The following NEDD4L variants were observed in gnomAD, a reference collection of about 807,000 sequenced individuals.
The protein encoded by NEDD4L is E3 ubiquitin-protein ligase NEDD4-like.
A neutral mutation model predicts 148.9 loss-of-function variants in NEDD4L; 54 were observed. The observed-to-expected ratio is 0.36, with a 90% CI of 0.29 to 0.45. NEDD4L has a LOEUF of 0.45. NEDD4L is among the 20% of genes least tolerant of loss of function. NEDD4L has a pLI of 1.00. For missense variants in NEDD4L, 856 were observed against 1,233.8 expected, an observed-to-expected ratio of 0.69 and a Z score of 4.59; for synonymous variants, 433 against 440.7, an observed-to-expected ratio of 0.98 and a Z score of 0.22.
chr18:58,255,617 G>T, intron 5 of NEDD4L: 1 of 1,232,402 alleles, frequency 8.1e-7, no homozygotes, highest in Non-Finnish European at 1.0e-6. Context: ...GCTTGCCCTA[G>T]CCCTCCTGGC....
At chr18:58,110,635 C>G (rs1239600966) in intron 1 of NEDD4L, among the ~76,000 whole-genome samples, 1 of 152,204 alleles carries the variant, frequency 6.6e-6, no homozygotes, top group Non-Finnish European at 1.5e-5. Flanking sequence ...CACGATGGAC[C>G]TGCCCTGAGA....
intron 5 of NEDD4L, among the ~76,000 whole-genome samples, chr18:58,296,244 C>T (rs1196003065): frequency 6.6e-6 from 1 of 152,206 alleles, no homozygotes; most frequent in African/African-American, 2.4e-5. Flanking sequence ...TTCAGCCTTG[C>T]AAGAGCTTCC....
At chr18:58,047,513 A>T in intron 1 of NEDD4L, 1 of 985,342 alleles carries the variant, frequency 1.0e-6, no homozygotes, top group Non-Finnish European at 1.2e-6. Context: ...TGTAGAAGGT[A>T]AGGGGTTGAG....
chr18:58,070,356 C>T (rs1352155857), intron 1 of NEDD4L, among the ~76,000 whole-genome samples: 1 of 152,084 alleles, frequency 6.6e-6, no homozygotes, highest in Non-Finnish European at 1.5e-5. Context: ...CCTCAACCTC[C>T]TGAATTTAAG....
At chr18:58,289,619 A>C (rs2054424666) in intron 5 of NEDD4L, among the ~76,000 whole-genome samples, 1 of 152,206 alleles carries the variant, frequency 6.6e-6, no homozygotes, top group Non-Finnish European at 1.5e-5. Flanking sequence ...CACCAGCCAC[A>C]GTAGCTGCAG....
chr18:58,339,160 AG>A (rs1264828996), intron 13 of NEDD4L, among the ~76,000 whole-genome samples: 1 of 149,526 alleles, frequency 6.7e-6, no homozygotes, highest in African/African-American at 2.5e-5. Flanking sequence ...GGCCTGGGAG[AG>A]GGGGAAGTGG....
chr18:58,087,323 C>T (rs750024112), intron 1 of NEDD4L, among the ~76,000 whole-genome samples: 14 of 152,160 alleles, frequency 9.2e-5, no homozygotes, highest in Non-Finnish European at 1.6e-4. Flanking sequence ...ACATTTTCCT[C>T]TCTACACCAT....
chr18:58,340,021 C>A (rs1012933664), intron 13 of NEDD4L, among the ~76,000 whole-genome samples: 1 of 152,196 alleles, frequency 6.6e-6, no homozygotes, highest in African/African-American at 2.4e-5. Flanking sequence ...AAGGCATGGG[C>A]TCCTCCTATA....
chr18:58,176,316 C>A (rs576714742), intron 2 of NEDD4L, among the ~76,000 whole-genome samples: 4 of 151,920 alleles, frequency 2.6e-5, no homozygotes, highest in African/African-American at 4.8e-5. Flanking sequence ...TGCTTCATTT[C>A]CCCCCTCATC....
At chr18:58,073,250 T>G (rs1175616311) in intron 1 of NEDD4L, among the ~76,000 whole-genome samples, 3 of 152,078 alleles carry the variant, frequency 2.0e-5, no homozygotes, top group Non-Finnish European at 1.5e-5. Context: ...CAAGTTTATT[T>G]TAAAAATCAC....
chr18:58,060,907 T>C (rs1977945), intron 1 of NEDD4L, among the ~76,000 whole-genome samples: 122,414 of 151,560 alleles, frequency 0.81, 49,992 homozygotes, highest in East Asian at 1. Context: ...TACAGGTGCC[T>C]GCCACCACAC....
chr18:58,273,963 A>G (rs57079347), intron 5 of NEDD4L, among the ~76,000 whole-genome samples: 5,800 of 152,334 alleles, frequency 0.038, 345 homozygotes, highest in African/African-American at 0.13. Context: ...CCTCCCCTGG[A>G]GTCCAGGCTG....
At chr18:58,214,986 A>AT (rs1355708142) in intron 2 of NEDD4L, among the ~76,000 whole-genome samples, 1 of 151,436 alleles carries the variant, frequency 6.6e-6, no homozygotes, top group African/African-American at 2.4e-5. Context: ...TAATTTTTGT[A>AT]TTTTTAGTAG....
At chr18:58,216,828 A>G (rs893825256) in intron 2 of NEDD4L, among the ~76,000 whole-genome samples, 1 of 152,214 alleles carries the variant, frequency 6.6e-6, no homozygotes, top group Non-Finnish European at 1.5e-5. Context: ...AGCCTAAGGA[A>G]CTGGCAGATT....
At chr18:58,301,240 G>A (rs527709499) in intron 5 of NEDD4L, among the ~76,000 whole-genome samples, 2 of 152,242 alleles carry the variant, frequency 1.3e-5, no homozygotes, top group South Asian at 2.1e-4. Flanking sequence ...CTGAACTCCT[G>A]GGCCATTGCT....
At chr18:58,215,969 T>C (rs913288983) in intron 2 of NEDD4L, among the ~76,000 whole-genome samples, 5 of 152,084 alleles carry the variant, frequency 3.3e-5, no homozygotes, top group African/African-American at 7.2e-5. Flanking sequence ...AATATCTTTG[T>C]GCAAAACAAG....
At chr18:58,064,437 A>C (rs951841684) in intron 1 of NEDD4L, among the ~76,000 whole-genome samples, 1 of 152,182 alleles carries the variant, frequency 6.6e-6, no homozygotes, top group African/African-American at 2.4e-5. Flanking sequence ...AGGTGATGCT[A>C]TTTTATTAAA....
chr18:58,177,080 T>A (rs538136609), intron 2 of NEDD4L, among the ~76,000 whole-genome samples: 1 of 151,890 alleles, frequency 6.6e-6, no homozygotes, highest in African/African-American at 2.4e-5. Context: ...CTGCCTGACA[T>A]TGTGTCCTGA....
chr18:58,249,810 C>T (rs2047681719), intron 4 of NEDD4L, among the ~76,000 whole-genome samples: 1 of 152,240 alleles, frequency 6.6e-6, no homozygotes, highest in Non-Finnish European at 1.5e-5. Flanking sequence ...CTACTACATA[C>T]AGCATCTGCT....
Sources: gnomAD v4.1 joint callset for allele counts (sites outside exome capture counted in the v4.1 genomes callset) on GRCh38, gnomAD v4.1.1 for gene constraint, MANE v1.5 for transcripts, NCBI Gene and HGNC (gene_info 2026-07-23, HGNC 2026-07-21) for gene names.